The following CCSER1 variants were observed in gnomAD, a reference collection of about 807,000 sequenced individuals.
The protein encoded by CCSER1 is serine-rich coiled-coil domain-containing protein 1.
A neutral mutation model predicts 82.0 loss-of-function variants in CCSER1; 41 were observed. The observed-to-expected ratio is 0.50, with a 90% CI of 0.39 to 0.65. CCSER1 has a LOEUF of 0.65. Ranked by LOEUF, CCSER1 falls within the 30% of genes least tolerant of loss-of-function variation. The pLI, the probability that CCSER1 is intolerant of heterozygous loss-of-function variation, is 0.00. For missense variants in CCSER1, 1,119 were observed against 1,064.2 expected, an observed-to-expected ratio of 1.05 and a Z score of -0.72; for synonymous variants, 414 against 383.9, an observed-to-expected ratio of 1.08 and a Z score of -0.92.
intron 7 of CCSER1, among the ~76,000 whole-genome samples, chr4:90,791,045 G>C (rs1409746899): frequency 1.3e-5 from 2 of 152,110 alleles, no homozygotes; most frequent in African/African-American, 4.8e-5. Flanking sequence ...GCATTGCTGT[G>C]GGGGGCTTAG....
At position 90,314,007 on chromosome 4, in the gene CCSER1, G is replaced by A. The variant is rs185091343; in HGVS notation, c.1509+960G>A. 6.2e-4 allele frequency among the ~76,000 whole-genome samples: 95 copies of A among 152,206 alleles called. 1 individual carries two copies. In the East Asian group the frequency reaches 0.017, roughly 28 times the overall value. ...ATTGGGTTTCAAATGAAAATATTAGGTAATTGAGATCTGATAATTATTTTG... is the reference window on the plus strand; with the variant it reads ...ATTGGGTTTCAAATGAAAATATTAGATAATTGAGATCTGATAATTATTTTG... On this transcript the variant is annotated intron_variant, in intron 3 of 10. Transcript: ENST00000509176.
intron 10 of CCSER1, among the ~76,000 whole-genome samples, chr4:91,520,031 A>G (rs1259052581): frequency 6.6e-6 from 1 of 152,064 alleles, no homozygotes; most frequent in African/African-American, 2.4e-5. Context: ...TGATAAGGTG[A>G]GATTTATTTC....
intron 9 of CCSER1, among the ~76,000 whole-genome samples, chr4:91,081,641 C>T (rs1460246725): frequency 2.0e-5 from 3 of 152,160 alleles, no homozygotes; most frequent in South Asian, 2.1e-4. Context: ...TTGCAGATGA[C>T]ATGATTGTAT....
chr4:91,317,935 C>T (rs1050108571), intron 10 of CCSER1, among the ~76,000 whole-genome samples: 19 of 151,858 alleles, frequency 1.3e-4, no homozygotes, highest in African/African-American at 4.6e-4. Context: ...GTGCTTTGCT[C>T]CATTTGGATT....
chr4:90,183,101 T>G (rs1356763878), intron 1 of CCSER1, among the ~76,000 whole-genome samples: 8 of 152,112 alleles, frequency 5.3e-5, no homozygotes, highest in Non-Finnish European at 1.2e-4. Context: ...AATAGAAAAC[T>G]TCTGAAAAAT....
chr4:90,774,569 A>G (rs1354153983), intron 7 of CCSER1, among the ~76,000 whole-genome samples: 1 of 152,154 alleles, frequency 6.6e-6, no homozygotes, highest in Non-Finnish European at 1.5e-5. Context: ...ATTTTAAAGT[A>G]CTGTACTTTG....
intron 1 of CCSER1, among the ~76,000 whole-genome samples, chr4:90,130,399 G>A (rs143563222): frequency 1.3e-5 from 2 of 152,278 alleles, no homozygotes; most frequent in East Asian, 3.9e-4. Context: ...GAATGCTTCG[G>A]GGGTGGGTAA....
rs921303046 is a variant in CCSER1 at position 90,278,653 on chromosome 4, A to G, written c.-41-29591A>G. Among the ~76,000 whole-genome samples, 6 of 151,934 alleles carry G rather than the reference A, an allele frequency of 3.9e-5. No homozygotes were observed. In the South Asian group the frequency reaches 1.0e-3, roughly 26 times the overall value. On this transcript the variant is annotated intron_variant, in intron 1 of 10. Transcript: ENST00000509176. ...CACACATGGACATAAAGATGGGAAC[A>G]ATAGACATTGAGGACCACTAGAAAA...
rs377141680 is a variant in CCSER1, at chr4:90,254,428, C to T, written c.-41-53816C>T. ...TATTATCTTGATGTTGAACCTCCAC[C>T]GTAAACTTGCTGAAACAAGGACATT... On this transcript the variant is annotated intron_variant, in intron 1 of 10. Transcript: ENST00000509176. 1.2e-4 allele frequency among the ~76,000 whole-genome samples: 19 copies of T among 152,214 alleles called. No homozygotes were observed. In the East Asian group the frequency reaches 1.4e-3, roughly 11 times the overall value.
chr4:91,320,592 T>C (rs1047009506), intron 10 of CCSER1, among the ~76,000 whole-genome samples: 1 of 152,070 alleles, frequency 6.6e-6, no homozygotes, highest in African/African-American at 2.4e-5. Flanking sequence ...TCATTTCCTT[T>C]CAAACAGTTT....
At chr4:90,135,652 A>G (rs918881190) in intron 1 of CCSER1, among the ~76,000 whole-genome samples, 5 of 152,226 alleles carry the variant, frequency 3.3e-5, no homozygotes, top group Admixed American at 6.5e-5. Flanking sequence ...TTTCTAAACG[A>G]CAGTGCAGTT....
intron 10 of CCSER1, among the ~76,000 whole-genome samples, chr4:91,224,725 C>G (rs1365451514): frequency 6.6e-6 from 1 of 152,000 alleles, no homozygotes; most frequent in East Asian, 1.9e-4. Context: ...ATAAATGTGT[C>G]CAGCCTATGC....
At chr4:91,391,490 G>T (rs1366084458) in intron 10 of CCSER1, among the ~76,000 whole-genome samples, 1 of 151,902 alleles carries the variant, frequency 6.6e-6, no homozygotes, top group Non-Finnish European at 1.5e-5. Context: ...TTGTACAGAT[G>T]GTGTGTCCCT....
chr4:91,295,985 A>G (rs1339035156), intron 10 of CCSER1, among the ~76,000 whole-genome samples: 1 of 151,980 alleles, frequency 6.6e-6, no homozygotes, highest in Non-Finnish European at 1.5e-5. Flanking sequence ...TTCTATAAGT[A>G]TAGCGGTCTA....
chr4:91,334,909 C>T (rs188739048), intron 10 of CCSER1, among the ~76,000 whole-genome samples: 1 of 150,856 alleles, frequency 6.6e-6, no homozygotes, highest in Admixed American at 6.6e-5. Context: ...CTAACATGGG[C>T]TGGGATTTAA....
chr4:91,275,113 A>C (rs1742318877), intron 10 of CCSER1, among the ~76,000 whole-genome samples: 1 of 152,096 alleles, frequency 6.6e-6, no homozygotes, highest in African/African-American at 2.4e-5. Flanking sequence ...CTAAAAAAAA[A>C]AAAGAAACAC....
chr4:91,519,118 AGG>A (rs1416910546), intron 10 of CCSER1, among the ~76,000 whole-genome samples: 8 of 152,206 alleles, frequency 5.3e-5, no homozygotes, highest in Non-Finnish European at 1.0e-4. Flanking sequence ...AGGTGGGGGC[AGG>A]GTAGATGTGC....
At chr4:90,715,819 T>G (rs1306890920) in intron 6 of CCSER1, among the ~76,000 whole-genome samples, 2 of 152,042 alleles carry the variant, frequency 1.3e-5, no homozygotes, top group East Asian at 1.9e-4. Context: ...TACATTTGAA[T>G]GTATCTTTCA....
intron 7 of CCSER1, among the ~76,000 whole-genome samples, chr4:90,750,223 T>C (rs1366970221): frequency 6.6e-6 from 1 of 152,098 alleles, no homozygotes; most frequent in African/African-American, 2.4e-5. Context: ...TTGCGAAAAT[T>C]TTCTCCCATT....
Sources: gnomAD v4.1 joint callset for allele counts (sites outside exome capture counted in the v4.1 genomes callset) on GRCh38, gnomAD v4.1.1 for gene constraint, MANE v1.5 for transcripts, NCBI Gene and HGNC (gene_info 2026-07-23, HGNC 2026-07-21) for gene names.